The following FBXO25 variants were observed in gnomAD, a reference collection of about 807,000 sequenced individuals.
FBXO25 encodes the protein F-box protein 25.
A neutral mutation model predicts 51.9 loss-of-function variants in FBXO25; 45 were observed. The observed-to-expected ratio is 0.87, with a 90% CI of 0.68 to 1.11. The LOEUF is 1.11. Ranked by LOEUF, FBXO25 falls within the 50% of genes most tolerant of loss-of-function variation. The probability of loss-of-function intolerance (pLI) is 0.00; values close to 1 mark genes in which losing one functional copy is unlikely to be tolerated. For missense variants in FBXO25, 507 were observed against 428.5 expected, an observed-to-expected ratio of 1.18 and a Z score of -1.62; for synonymous variants, 199 against 151.0, an observed-to-expected ratio of 1.32 and a Z score of -2.33.
intron 8 of FBXO25, among the ~76,000 whole-genome samples, chr8:459,151 C>A (rs1371312433): frequency 6.6e-6 from 1 of 152,206 alleles, no homozygotes; most frequent in Admixed American, 6.5e-5. Flanking sequence ...GGGTTCCCCT[C>A]GTCACCCCAC....
chr8:467,908 A>T, intron 9 of FBXO25: 2 of 1,494,790 alleles, frequency 1.3e-6, no homozygotes, highest in East Asian at 2.4e-5. Flanking sequence ...ACTTTGATCA[A>T]ACACCTCAGC....
At chr8:445,994 A>G (rs6997120) in intron 5 of FBXO25, among the ~76,000 whole-genome samples, 20,164 of 151,988 alleles carry the variant, frequency 0.13, 1,471 homozygotes, top group African/African-American at 0.2. Flanking sequence ...TCCATAATGT[A>G]GCATGTCGGA....
At position 468,711 on chromosome 8, in the gene FBXO25, A is replaced by G. The variant is rs1288106873; in HGVS notation, c.988-4A>G. The G allele has an allele frequency of 1.2e-6, 2 of 1,613,252 alleles. No individual in the cohort carries two copies. The highest frequency in any genetic ancestry group is 1.7e-5 in the Admixed American group (1 of 59,936). On this transcript the variant is annotated splice_polypyrimidine_tract_variant and splice_region_variant and intron_variant, in intron 9 of 9. Transcript: ENST00000350302. ...CCTCCTAACCATCTCCCACCTCCCC[A>G]CAGGACTCAGGACACCCCTGCACGG...
intron 6 of FBXO25, 97 bp downstream of exon 6, chr8:450,180 C>G: frequency 1.4e-6 from 1 of 714,364 alleles, no homozygotes; most frequent in Non-Finnish European, 2.3e-6. Flanking sequence ...AGTACACATA[C>G]TGTCAAAAAC....
intron 2 of FBXO25, among the ~76,000 whole-genome samples, chr8:416,067 G>T (rs1269310435): frequency 6.6e-6 from 1 of 152,084 alleles, no homozygotes; most frequent in African/African-American, 2.4e-5. Context: ...GCTCCTCCTT[G>T]TTCACCCACT....
At position 474,910 on chromosome 8, in the gene FBXO25, C is replaced by G. The variant is rs1800598092; in HGVS notation, c.*6106C>G. 2 of 453,016 alleles carry G rather than the reference C, an allele frequency of 4.4e-6. No individual in the cohort carries two copies. Among genetic ancestry groups the G allele is most frequent in the Middle Eastern group, 6.5e-4 (2 of 3,068 alleles). 28.1% of individuals were successfully genotyped at this position (453,016 alleles called of 1,614,324 possible). A position where few individuals can be genotyped will look rare whatever the true frequency, so the allele number is the denominator to read the frequency against. On this transcript the variant is annotated 3_prime_UTR_variant, in exon 10 of 10. Transcript: ENST00000350302. ...ACTGCCTCACCCTTTTCAGATATAT[C>G]ATTTTAAAATACTTTGTCCCATTCC...
intron 5 of FBXO25, among the ~76,000 whole-genome samples, chr8:441,586 C>T (rs1798428135): frequency 6.6e-6 from 1 of 152,182 alleles, no homozygotes; most frequent in Non-Finnish European, 1.5e-5. Context: ...AGGCAACCTA[C>T]AGAATGGGAG....
At chr8:462,307 T>G (rs1799867224) in intron 8 of FBXO25, among the ~76,000 whole-genome samples, 1 of 152,400 alleles carries the variant, frequency 6.6e-6, no homozygotes, top group East Asian at 1.9e-4. Context: ...GCATGTCCTT[T>G]GACCATTTTT....
rs915958102 is a variant in FBXO25, at chr8:468,917, A to T, written c.*113A>T. On this transcript the variant is annotated 3_prime_UTR_variant, in exon 10 of 10. Coordinates refer to ENST00000350302, the MANE Select transcript of FBXO25 (RefSeq NM_183420.2). ...CTCCTCGGAAGCCCCTGCTTCCAGA[A>T]AGCCTGGGAAGAACTGCCCTTCTGC... The T allele has an allele frequency of 2.1e-6, 2 of 958,586 alleles. No homozygotes were observed. The highest frequency in any genetic ancestry group is 3.4e-5 in the African/African-American group (2 of 59,504). The allele number at this position is 958,586 out of a possible 1,614,324, so 59.4% of individuals were successfully genotyped here. A position where few individuals can be genotyped will look rare whatever the true frequency, so the allele number is the denominator to read the frequency against.
chr8:428,387 C>T (rs146417146), intron 2 of FBXO25, among the ~76,000 whole-genome samples: 21 of 152,098 alleles, frequency 1.4e-4, no homozygotes, highest in Middle Eastern at 6.8e-3. Context: ...CTGTATTTTC[C>T]GCTTGTGTTG....
intron 2 of FBXO25, among the ~76,000 whole-genome samples, chr8:416,082 T>G (rs937924773): frequency 2.6e-5 from 4 of 152,216 alleles, no homozygotes; most frequent in Non-Finnish European, 4.4e-5. Context: ...CCCACTCATT[T>G]ATTTGCTTTT....
Position 413,192 on chromosome 8 carries a change from G to A in FBXO25, c.113G>A (p.Arg38His), listed in dbSNP as rs10090550. ...CAGAAACTTGAAAGAGAGAATAACCGTTGTAACATCAGTCACAGCATGTAA... is the reference window on the plus strand; with the variant it reads ...CAGAAACTTGAAAGAGAGAATAACCATTGTAACATCAGTCACAGCATGTAA... Reference protein sequence around the residue: ...CSQKLERENNRCNISHSIILN... With the variant: ...CSQKLERENNHCNISHSIILN... The change falls in exon 2 of 10, where the codon CGT becomes CAT. Residue 38 changes from arginine (R) to histidine (H), a missense_variant. By Grantham distance (29) the Arg-to-His change is conservative (BLOSUM62 0). Transcript: ENST00000350302. 630,766 of 1,573,044 alleles carry A rather than the reference G, an allele frequency of 0.4. 140,870 individuals are homozygous for A. The highest frequency in any genetic ancestry group is 0.88 in the African/African-American group (65,022 of 73,528).
intron 4 of FBXO25, among the ~76,000 whole-genome samples, chr8:435,285 T>C (rs71514150): frequency 6.6e-6 from 1 of 152,186 alleles, no homozygotes; most frequent in African/African-American, 2.4e-5. Context: ...GAATCCAGTT[T>C]TTTTATGATC....
At chr8:451,492 T>G in intron 7 of FBXO25, 39 bp downstream of exon 7, 1 of 1,572,536 alleles carries the variant, frequency 6.4e-7, no homozygotes, top group Non-Finnish European at 8.7e-7. Flanking sequence ...ACACTCTGTT[T>G]TTATATTACA....
At position 473,306 on chromosome 8, in the gene FBXO25, A is replaced by C. The variant is rs1056267568; in HGVS notation, c.*4502A>C. 1 of 152,144 alleles carries C rather than the reference A, an allele frequency of 6.6e-6. No homozygotes were observed. Among genetic ancestry groups the C allele is most frequent in the African/African-American group, 2.4e-5 (1 of 41,398 alleles). The allele number at this position is 152,144 out of a possible 1,614,324, so 9.4% of individuals were successfully genotyped here. A position where few individuals can be genotyped will look rare whatever the true frequency, so the allele number is the denominator to read the frequency against. On this transcript the variant is annotated 3_prime_UTR_variant, in exon 10 of 10. Coordinates refer to ENST00000350302, the MANE Select transcript of FBXO25 (RefSeq NM_183420.2). Reference sequence around the variant, plus strand: ...GGAACTGCATCATTGTGTGCCTAAAAAGCCCTGGCTCACAGCATGAGACAG... The same window carrying C: ...GGAACTGCATCATTGTGTGCCTAAACAGCCCTGGCTCACAGCATGAGACAG...
intron 5 of FBXO25, among the ~76,000 whole-genome samples, chr8:435,931 A>G (rs1798079018): frequency 6.6e-6 from 1 of 152,164 alleles, no homozygotes; most frequent in Non-Finnish European, 1.5e-5. Context: ...GTGGGAGCAA[A>G]CACTCATCTG....
At chr8:414,265 A>G (rs1022220110) in intron 2 of FBXO25, among the ~76,000 whole-genome samples, 2 of 152,198 alleles carry the variant, frequency 1.3e-5, no homozygotes, top group South Asian at 4.1e-4. Flanking sequence ...AAAGCTTGTA[A>G]TTATGCTGTT....
chr8:425,694 ATATATTTTCC>A (rs1797430674), intron 2 of FBXO25, among the ~76,000 whole-genome samples: 10 of 151,858 alleles, frequency 6.6e-5, no homozygotes, highest in Admixed American at 2.6e-4. Flanking sequence ...TAAATTCTCT[ATATATTTTCC>A]CAGCCTTTTA....
intron 9 of FBXO25, among the ~76,000 whole-genome samples, chr8:466,702 A>G (rs1407332695): frequency 6.6e-6 from 1 of 152,158 alleles, no homozygotes; most frequent in Non-Finnish European, 1.5e-5. Context: ...GAGCCACTTC[A>G]TCTGCTCCCA....
Sources: allele counts gnomAD v4.1 joint callset (sites outside exome capture counted in the v4.1 genomes callset), GRCh38; gene constraint gnomAD v4.1.1; transcripts MANE v1.5; gene names NCBI Gene and HGNC (gene_info 2026-07-23, HGNC 2026-07-21).